Variants in FAM186A observed in about 807,000 individuals in gnomAD.
The protein encoded by FAM186A is family with sequence similarity 186 member A.
Under a neutral mutation model 216.8 loss-of-function variants are expected in FAM186A, and 163 were observed. The observed-to-expected ratio is 0.75, with a 90% CI of 0.66 to 0.86. FAM186A has a LOEUF of 0.86. Among genes scored for constraint, FAM186A ranks in the 40% least tolerant of loss-of-function variants. The pLI is 0.00. For synonymous variants in FAM186A, 805 were observed against 1,025.3 expected (o/e 0.79, Z 4.10); for missense variants, 2,184 against 2,746.2 (o/e 0.80, Z 4.58).
At chr12:50,393,675 C>T (rs1301267143) in intron 1 of FAM186A, among the ~76,000 whole-genome samples, 2 of 151,912 alleles carry the variant, frequency 1.3e-5, no homozygotes, top group Non-Finnish European at 2.9e-5. Flanking sequence ...GGTGAAACCC[C>T]ATTTATACAA....
chr12:50,327,716 G>T (rs1035416432), intron 7 of FAM186A, among the ~76,000 whole-genome samples: 1 of 151,706 alleles, frequency 6.6e-6, no homozygotes, highest in African/African-American at 2.4e-5. Flanking sequence ...TGTTTTTTTT[G>T]TACTTTTGGT....
At chr12:50,376,062 T>C (rs541555871) in intron 1 of FAM186A, among the ~76,000 whole-genome samples, 2 of 152,272 alleles carry the variant, frequency 1.3e-5, no homozygotes, top group South Asian at 4.2e-4. Context: ...TGGGAGAGGC[T>C]GTGGCTGGAC....
chr12:50,378,097 TG>T lies in FAM186A; in HGVS notation c.193-14734del, dbSNP rs368292254. ...AAAATTAGCCGGCGTGGTGGCCACA[TG>T]CCTGTAATCCCAGCTACTCTGGAGG... On this transcript the variant is annotated intron_variant, in intron 1 of 7. Coordinates refer to ENST00000327337, the MANE Select transcript of FAM186A (RefSeq NM_001145475.3). Among the ~76,000 whole-genome samples, 1,249 of 151,936 alleles carry T rather than the reference TG, an allele frequency of 8.2e-3. 17 individuals carry two copies. Among genetic ancestry groups the T allele is most frequent in the African/African-American group, 0.028 (1,179 of 41,432 alleles).
At chr12:50,395,573 G>T (rs776989293) in intron 1 of FAM186A, among the ~76,000 whole-genome samples, 1 of 152,094 alleles carries the variant, frequency 6.6e-6, no homozygotes, top group Non-Finnish European at 1.5e-5. Flanking sequence ...GCTTCCCAAA[G>T]TGTTGGGATT....
chr12:50,327,475 T>C (rs1942616747), intron 7 of FAM186A, 71 bp from the exon 8 acceptor site: 3 of 1,178,274 alleles, frequency 2.5e-6, no homozygotes, highest in East Asian at 2.6e-5. Flanking sequence ...TATAGGTGAG[T>C]CATAGGGAAA....
At position 50,354,761 on chromosome 12, in the gene FAM186A, A is replaced by G; in HGVS notation, c.2071T>C (p.Phe691Leu). Residue 691 changes from phenylalanine to leucine, a missense_variant, in exon 4 of 8, where the codon TTT (phenylalanine) becomes CTT (leucine). Phe to Leu is a conservative substitution (Grantham distance 22). Transcript: ENST00000327337. ...TCCTTCGGAACAGTCTTTTTGTCAA[A>G]AGCCTTTCCTATGTTATCAATTTTC... Reference protein sequence around the residue: ...KQKIDNIGKAFDKKTVPKEEE... With the variant: ...KQKIDNIGKALDKKTVPKEEE... The G allele has an allele frequency of 6.5e-7, 1 of 1,537,952 alleles. No homozygotes were observed. The highest frequency in any genetic ancestry group is 8.7e-7 in the Non-Finnish European group (1 of 1,144,038).
rs140570815 is a variant in FAM186A, at chr12:50,379,207, G to A, written c.193-15843C>T. 1.4e-4 allele frequency among the ~76,000 whole-genome samples: 22 copies of A among 152,144 alleles called. No individual in the cohort carries two copies. The East Asian group carries it at 3.5e-3, about 24-fold the overall frequency. On this transcript the variant is annotated intron_variant, in intron 1 of 7. Coordinates refer to ENST00000327337, the MANE Select transcript of FAM186A (RefSeq NM_001145475.3). ...TGTAATCCCAGCACTTTGGGAGGCC[G>A]AGGTGGGTGGATCATAAGGTCAGGA...
intron 1 of FAM186A, among the ~76,000 whole-genome samples, chr12:50,363,763 A>G: frequency 2.8e-5 from 1 of 36,048 alleles, no homozygotes; most frequent in Non-Finnish European, 1.9e-4. Context: ...TAGCTGCTAA[A>G]AAAAAAAAAG....
At chr12:50,336,610 C>T (rs1323763534) in intron 4 of FAM186A, among the ~76,000 whole-genome samples, 1 of 152,006 alleles carries the variant, frequency 6.6e-6, no homozygotes, top group Non-Finnish European at 1.5e-5. Flanking sequence ...TGCTTACGGA[C>T]AGAACAGGGA....
chr12:50,359,927 G>A (rs902610173), intron 3 of FAM186A, among the ~76,000 whole-genome samples: 12 of 152,076 alleles, frequency 7.9e-5, no homozygotes, highest in Non-Finnish European at 7.4e-5. Context: ...GGATCTTTTC[G>A]GGATAATGGA....
chr12:50,353,210 TGAGA>T lies in FAM186A; in HGVS notation c.3618_3621del (p.Leu1207ProfsTer24), dbSNP rs1942927199. 6.9e-7 allele frequency: 1 copy of T among 1,443,520 alleles called. No individual in the cohort carries two copies. The allele number at this position is 1,443,520 out of a possible 1,614,324, so 89.4% of individuals were successfully genotyped here. A position where few individuals can be genotyped will look rare whatever the true frequency, so the allele number is the denominator to read the frequency against. ...CCCAATTCCTGAGCCTGCTGAGGGG[TGAGA>T]GAGACCCTCAGGGCCTGGGCCTGCT... On this transcript the variant is annotated frameshift_variant, in exon 4 of 8. Transcript: ENST00000327337. LOFTEE classifies it high-confidence loss of function.
chr12:50,378,252 C>T (rs1201104512), intron 1 of FAM186A, among the ~76,000 whole-genome samples: 1 of 151,122 alleles, frequency 6.6e-6, no homozygotes, highest in Non-Finnish European at 1.5e-5. Context: ...TGAAGTCAGC[C>T]GAGCACGGTG....
rs1176883710 is a variant in FAM186A, at chr12:50,365,956, G to T, written c.193-2592C>A. 12 of 766,200 alleles carry T rather than the reference G, an allele frequency of 1.6e-5. No homozygotes were observed. The African/African-American group carries it at 1.9e-4, about 12-fold the overall frequency. The allele number at this position is 766,200 out of a possible 1,614,324, so 47.5% of individuals were successfully genotyped here. ...ACTGTCCATGTGGGCCCTCGCCCCA[G>T]CAAGGTGGGTATCACTAGGCTAAAA... On this transcript the variant is annotated intron_variant, in intron 1 of 7. Transcript: ENST00000327337.
At chr12:50,333,062 T>C (rs1049450331) in intron 5 of FAM186A, among the ~76,000 whole-genome samples, 9 of 151,898 alleles carry the variant, frequency 5.9e-5, no homozygotes, top group Non-Finnish European at 1.0e-4. Flanking sequence ...TAAAATAAAA[T>C]ATAACAGTTC....
chr12:50,385,103 C>A (rs762131757), intron 1 of FAM186A, among the ~76,000 whole-genome samples: 7 of 151,162 alleles, frequency 4.6e-5, no homozygotes, highest in African/African-American at 1.2e-4. Flanking sequence ...CCATGCCCAG[C>A]CTGGATTAGA....
chr12:50,361,730 C>A (rs1943037867), intron 2 of FAM186A, among the ~76,000 whole-genome samples: 1 of 150,718 alleles, frequency 6.6e-6, no homozygotes, highest in Non-Finnish European at 1.5e-5. Context: ...GCCACCACAC[C>A]CAGCTAATTT....
intron 1 of FAM186A, among the ~76,000 whole-genome samples, chr12:50,387,153 G>A (rs901563837): frequency 2.0e-5 from 3 of 152,046 alleles, no homozygotes; most frequent in East Asian, 1.9e-4. Context: ...CCCATAGGTC[G>A]AAGCCTCAGT....
At chr12:50,339,741 TACACACACACACACAC>T (rs10611207) in intron 4 of FAM186A, among the ~76,000 whole-genome samples, 31 of 148,518 alleles carry the variant, frequency 2.1e-4, no homozygotes, top group Admixed American at 1.7e-3. Context: ...CAAAGTACTT[TACACACACACACACAC>T]ACACACACAC....
At chr12:50,358,163 A>C (rs996569100) in intron 3 of FAM186A, among the ~76,000 whole-genome samples, 1 of 152,182 alleles carries the variant, frequency 6.6e-6, no homozygotes, top group African/African-American at 2.4e-5. Flanking sequence ...CATAAAAAAA[A>C]ATTGATACAT....
Sources: allele counts gnomAD v4.1 joint callset (sites outside exome capture counted in the v4.1 genomes callset), GRCh38; gene constraint gnomAD v4.1.1; transcripts MANE v1.5; gene names NCBI Gene and HGNC (gene_info 2026-07-23, HGNC 2026-07-21).